The following PHACTR2 variants were observed in gnomAD, a reference collection of about 807,000 sequenced individuals.
PHACTR2 encodes the protein phosphatase and actin regulator 2.
A neutral mutation model predicts 76.0 loss-of-function variants in PHACTR2; 30 were observed. That is an observed-to-expected ratio of 0.39 (90% CI 0.30 to 0.54). The LOEUF is 0.54. Among genes scored for constraint, PHACTR2 ranks in the 20% least tolerant of loss-of-function variants. The pLI is 0.61. For synonymous variants in PHACTR2, 292 were observed against 292.5 expected (o/e 1.00, Z 0.02); for missense variants, 696 against 781.1 (o/e 0.89, Z 1.30).
chr6:143,661,283 G>T (rs1180926331), intron 1 of PHACTR2, among the ~76,000 whole-genome samples: 7 of 152,118 alleles, frequency 4.6e-5, no homozygotes. Flanking sequence ...TTCAGTGTTG[G>T]TTTGTAGAAA....
intron 1 of PHACTR2, among the ~76,000 whole-genome samples, chr6:143,640,230 G>C (rs1212762393): frequency 6.6e-6 from 1 of 152,194 alleles, no homozygotes; most frequent in Non-Finnish European, 1.5e-5. Flanking sequence ...TTACCGGTTT[G>C]TGGATTTACT....
At position 143,791,570 on chromosome 6, in the gene PHACTR2, G is replaced by A. The variant is rs1487795665; in HGVS notation, c.1845+2660G>A. 1.3e-5 allele frequency among the ~76,000 whole-genome samples: 2 copies of A among 152,126 alleles called. No homozygotes were observed. Among genetic ancestry groups the A allele is most frequent in the Non-Finnish European group, 2.9e-5 (2 of 68,018 alleles). On this transcript the variant is annotated intron_variant, in intron 11 of 12. Coordinates refer to ENST00000440869, the MANE Select transcript of PHACTR2 (RefSeq NM_001100164.2). The surrounding 1 kb of genome is among the most constrained non-coding windows in gnomAD (Gnocchi z 4.7). ...TATGTGTTCTATGGTTTGAGGGTGT[G>A]CAAATTTTCCTGTAAGATCAATCTT...
intron 1 of PHACTR2, among the ~76,000 whole-genome samples, chr6:143,620,609 A>T (rs1014107103): frequency 6.6e-6 from 1 of 152,108 alleles, no homozygotes; most frequent in African/African-American, 2.4e-5. Flanking sequence ...TTATTTATTT[A>T]TTTTTTCAGA....
chr6:143,747,071 T>C (rs1218055484), intron 2 of PHACTR2, among the ~76,000 whole-genome samples: 1 of 152,212 alleles, frequency 6.6e-6, no homozygotes, highest in Non-Finnish European at 1.5e-5. Flanking sequence ...GTTTCTATTC[T>C]GATTCTATCC....
chr6:143,783,221 A>C lies in PHACTR2; in HGVS notation c.1648A>C (p.Lys550Gln). The change falls in exon 10 of 13, where the codon AAG becomes CAG. Residue 550 changes from lysine to glutamine, a missense_variant and splice_region_variant. Lys to Gln is a moderately conservative substitution (Grantham distance 53). Transcript: ENST00000440869. The surrounding 1 kb of genome is among the most constrained non-coding windows in gnomAD (Gnocchi z 5.2). ...ELEQRNILKQ[K>Q]NEEEEQEAKM... ...GACTTTCCTCCTTTAATAAACAGAA[A>C]AGAATGAAGAAGAGGAACAAGAAGC... 4 of 1,600,888 alleles carry C rather than the reference A, an allele frequency of 2.5e-6. No homozygotes were observed. The highest frequency in any genetic ancestry group is 3.4e-6 in the Non-Finnish European group (4 of 1,168,586).
chr6:143,615,951 G>C (rs958013553), intron 1 of PHACTR2, among the ~76,000 whole-genome samples: 1 of 152,124 alleles, frequency 6.6e-6, no homozygotes, highest in Non-Finnish European at 1.5e-5. Flanking sequence ...ACCAGTACAA[G>C]ATTTGACAAA....
chr6:143,718,039 A>T (rs2128462469), intron 2 of PHACTR2, among the ~76,000 whole-genome samples: 1 of 152,346 alleles, frequency 6.6e-6, no homozygotes, highest in Non-Finnish European at 1.5e-5. Context: ...AAAGTAAGTT[A>T]TACTCCTGTA....
At chr6:143,630,700 A>G (rs1776350288) in intron 1 of PHACTR2, among the ~76,000 whole-genome samples, 1 of 152,234 alleles carries the variant, frequency 6.6e-6, no homozygotes, top group African/African-American at 2.4e-5. Context: ...GAGCAGGTCT[A>G]CATCATACGT....
At chr6:143,725,452 A>T (rs1169201592) in intron 2 of PHACTR2, among the ~76,000 whole-genome samples, 1 of 146,822 alleles carries the variant, frequency 6.8e-6, no homozygotes, top group African/African-American at 2.5e-5. Context: ...CGCCCACTTC[A>T]GCCTCCCAAA....
rs550204496 is a variant in PHACTR2 at position 143,774,681 on chromosome 6, A to C, written c.1589+466A>C. On this transcript the variant is annotated intron_variant, in intron 8 of 12. Coordinates refer to ENST00000440869, the MANE Select transcript of PHACTR2 (RefSeq NM_001100164.2). This position sits in a 1 kb window ranked among gnomAD's most constrained non-coding sequence, Gnocchi z 5.4. The stretch of plus-strand genomic sequence containing the variant: ...ACTCACTAGCATTCCTGGGAATGCC[A>C]TGAGGTTCTGCCCTGTGGACTGTGA... Among the ~76,000 whole-genome samples the C allele has an allele frequency of 1.3e-5, 2 of 152,330 alleles. No individual in the cohort carries two copies. The highest frequency in any genetic ancestry group is 2.1e-4 in the South Asian group (1 of 4,824).
rs779354526 is a variant in PHACTR2, at chr6:143,580,674, AAAAAT to A, written c.217+43482_217+43486del. Among the ~76,000 whole-genome samples, 1 of 152,222 alleles carries A rather than the reference AAAAAT, an allele frequency of 6.6e-6. No individual in the cohort carries two copies. The highest frequency in any genetic ancestry group is 2.4e-5 in the African/African-American group (1 of 41,460). On this transcript the variant is annotated intron_variant, in intron 1 of 11. Coordinates refer to the PHACTR2 transcript ENST00000367584. This position sits in a 1 kb window ranked among gnomAD's most constrained non-coding sequence, Gnocchi z 4.2. ...GGTGACAGAGCAAGACTCCGTCTCA[AAAAAT>A]AAAATAAAATAAAACAATAAAAAAT...
In PHACTR2 at chr6:143,767,373, GT is replaced by G. The variant is rs989956692; in HGVS notation, c.1232+1582del. On this transcript the variant is annotated intron_variant, in intron 6 of 12. Coordinates refer to ENST00000440869, the MANE Select transcript of PHACTR2 (RefSeq NM_001100164.2). This position sits in a 1 kb window ranked among gnomAD's most constrained non-coding sequence, Gnocchi z 4.4. Reference sequence around the variant, plus strand: ...ATTTCTCTTCTGTTAGTTTCTTTGGGTTTTTTTAAGTCATTTTGAGCACCAA... The same window carrying G: ...ATTTCTCTTCTGTTAGTTTCTTTGGGTTTTTTAAGTCATTTTGAGCACCAA... 3.3e-5 allele frequency among the ~76,000 whole-genome samples: 5 copies of G among 151,954 alleles called. No homozygotes were observed. The highest frequency in any genetic ancestry group is 9.7e-5 in the African/African-American group (4 of 41,358).
Position 143,791,806 on chromosome 6 carries a change from T to C in PHACTR2, c.1845+2896T>C, listed in dbSNP as rs570053590. Among the ~76,000 whole-genome samples, 31 of 152,346 alleles carry C rather than the reference T, an allele frequency of 2.0e-4. No homozygotes were observed. The highest frequency in any genetic ancestry group is 7.0e-4 in the African/African-American group (29 of 41,582). ...ACATTTTCTTGATGAAACTTTGTTA[T>C]ATTTAAAAATATAATTTTTAAACTG... On this transcript the variant is annotated intron_variant, in intron 11 of 12. Transcript: ENST00000440869. The surrounding 1 kb of genome is among the most constrained non-coding windows in gnomAD (Gnocchi z 4.7).
In PHACTR2 at chr6:143,794,142, T is replaced by G. The variant is rs886182614; in HGVS notation, c.1845+5232T>G. ...TTTACTACCTAACACTGAAAAAAAT[T>G]GTTCCCTCTAGTTGTTAAAAGATAA... On this transcript the variant is annotated intron_variant, in intron 11 of 12. Coordinates refer to ENST00000440869, the MANE Select transcript of PHACTR2 (RefSeq NM_001100164.2). This position sits in a 1 kb window ranked among gnomAD's most constrained non-coding sequence, Gnocchi z 4.1. Among the ~76,000 whole-genome samples, 1 of 151,770 alleles carries G rather than the reference T, an allele frequency of 6.6e-6. No homozygotes were observed. Among genetic ancestry groups the G allele is most frequent in the African/African-American group, 2.4e-5 (1 of 41,394 alleles).
Position 143,539,441 on chromosome 6 carries a change from A to C in PHACTR2, c.217+2234A>C, listed in dbSNP as rs937833023. ...AAAAGAATGAGCAGGTCCTTCACTG[A>C]CACACAGAGTATTTCTCCAGCATGC... On this transcript the variant is annotated intron_variant, in intron 1 of 11. Transcript: ENST00000367584. The surrounding 1 kb of genome is among the most constrained non-coding windows in gnomAD (Gnocchi z 4.3). Among the ~76,000 whole-genome samples, 2 of 152,224 alleles carry C rather than the reference A, an allele frequency of 1.3e-5. No individual in the cohort carries two copies. The highest frequency in any genetic ancestry group is 1.3e-4 in the Admixed American group (2 of 15,282).
In PHACTR2 at chr6:143,709,545, G is replaced by A. The variant is rs1778123546; in HGVS notation, c.47-2471G>A. On this transcript the variant is annotated intron_variant, in intron 1 of 12. Coordinates refer to ENST00000440869, the MANE Select transcript of PHACTR2 (RefSeq NM_001100164.2). The surrounding 1 kb of genome is among the most constrained non-coding windows in gnomAD (Gnocchi z 4.4). Reference sequence around the variant, plus strand: ...ACTCTAGATCTTGTTTGAAACCTTTGGTTTTAACTGGCTTTGTCTGACACC... The same window carrying A: ...ACTCTAGATCTTGTTTGAAACCTTTAGTTTTAACTGGCTTTGTCTGACACC... Among the ~76,000 whole-genome samples the A allele has an allele frequency of 6.6e-6, 1 of 152,150 alleles. No homozygotes were observed.
intron 1 of PHACTR2, among the ~76,000 whole-genome samples, chr6:143,686,351 TA>T (rs1027315315): frequency 5.2e-4 from 79 of 152,258 alleles, no homozygotes; most frequent in African/African-American, 1.9e-3. Context: ...AAAATATTTT[TA>T]AAAGGCAATT....
At chr6:143,732,857 A>C (rs1778732778) in intron 2 of PHACTR2, among the ~76,000 whole-genome samples, 1 of 152,130 alleles carries the variant, frequency 6.6e-6, no homozygotes, top group African/African-American at 2.4e-5. Flanking sequence ...AGCTCCACCC[A>C]GCACTTTTGA....
chr6:143,570,139 G>A lies in PHACTR2; in HGVS notation c.217+32932G>A, dbSNP rs1341773296. 6.6e-6 allele frequency among the ~76,000 whole-genome samples: 1 copy of A among 152,176 alleles called. No homozygotes were observed. Among genetic ancestry groups the A allele is most frequent in the Non-Finnish European group, 1.5e-5 (1 of 68,028 alleles). ...AAGAGATTCTGTTTCCCTTAAGTGT[G>A]TTAGGCTCAAATCAGATTTAACCAA... On this transcript the variant is annotated intron_variant, in intron 1 of 11. Transcript: ENST00000367584. The surrounding 1 kb of genome is among the most constrained non-coding windows in gnomAD (Gnocchi z 4.6).
Sources: gnomAD v4.1 joint callset for allele counts (sites outside exome capture counted in the v4.1 genomes callset) on GRCh38, gnomAD v4.1.1 for gene constraint, Gnocchi (gnomAD v3.1) non-coding constraint, MANE v1.5 for transcripts, NCBI Gene and HGNC (gene_info 2026-07-23, HGNC 2026-07-21) for gene names.